CPNE2: variants seen among roughly 807,000 people sequenced by gnomAD.
CPNE2 encodes the protein copine-2.
CPNE2 carries 42 observed loss-of-function variants against 69.7 expected under a neutral mutation model. The observed-to-expected ratio is 0.60, with a 90% CI of 0.47 to 0.78. CPNE2 has a LOEUF of 0.78. CPNE2 is among the 30% of genes least tolerant of loss of function. The probability of loss-of-function intolerance (pLI) is 0.00; values close to 1 mark genes in which losing one functional copy is unlikely to be tolerated. For synonymous variants in CPNE2, 294 were observed against 289.8 expected, an observed-to-expected ratio of 1.01 and a Z score of -0.15; for missense variants, 587 against 732.0, an observed-to-expected ratio of 0.80 and a Z score of 2.29.
rs1181904522 is a variant in CPNE2, at chr16:57,113,270, T to C, written c.181-18T>C. 6.2e-7 allele frequency: 1 copy of C among 1,610,222 alleles called. No homozygotes were observed. Among genetic ancestry groups the C allele is most frequent in the East Asian group, 2.2e-5 (1 of 44,820 alleles). On this transcript the variant is annotated intron_variant, in intron 2 of 15. Coordinates refer to ENST00000290776, the MANE Select transcript of CPNE2 (RefSeq NM_152727.6). ...AGCTGCCTTGACTCTGACTTCCATT[T>C]TCCTGCCCCTCTGCTAGTACGACAG... is the stretch of plus-strand genomic sequence containing the variant.
intron 9 of CPNE2, 68 bp downstream of exon 9, chr16:57,121,828 C>T: frequency 6.9e-7 from 1 of 1,450,940 alleles, no homozygotes; most frequent in South Asian, 1.1e-5. Flanking sequence ...ACAGACAGAG[C>T]ACTGGATCTG....
intron 1 of CPNE2, among the ~76,000 whole-genome samples, chr16:57,098,786 G>A (rs540291255): frequency 2.6e-5 from 4 of 152,256 alleles, no homozygotes; most frequent in Admixed American, 2.0e-4. Flanking sequence ...TGGGAGCAAC[G>A]AAATGGAAAC....
At chr16:57,128,127 G>C (rs564522606) in intron 12 of CPNE2, among the ~76,000 whole-genome samples, 1 of 152,140 alleles carries the variant, frequency 6.6e-6, no homozygotes, top group Non-Finnish European at 1.5e-5. Context: ...CATGTGGAGT[G>C]GGGGAGACAG....
chr16:57,146,499 G>A lies in CPNE2; in HGVS notation c.1539+178G>A, dbSNP rs1407377710. 3.3e-6 allele frequency: 2 copies of A among 612,838 alleles called. No homozygotes were observed. The highest frequency in any genetic ancestry group is 5.7e-6 in the Non-Finnish European group (2 of 349,864). The allele number at this position is 612,838 out of a possible 1,614,324, so 38.0% of individuals were successfully genotyped here. On this transcript the variant is annotated intron_variant, in intron 15 of 15. Transcript: ENST00000290776. This position sits in a 1 kb window ranked among gnomAD's most constrained non-coding sequence, Gnocchi z 4.4. ...CGCCGTGCCAGGCCTTGCCCCGGTGGTGGCCATTGTGATAGTGTGAGCACT... is the reference window on the plus strand; with the variant it reads ...CGCCGTGCCAGGCCTTGCCCCGGTGATGGCCATTGTGATAGTGTGAGCACT...
chr16:57,131,148 T>G (rs4784774), intron 12 of CPNE2, among the ~76,000 whole-genome samples: 1 of 152,090 alleles, frequency 6.6e-6, no homozygotes, highest in African/African-American at 2.4e-5. Flanking sequence ...AACTGGGCAG[T>G]TGGACTCTAA....
intron 11 of CPNE2, among the ~76,000 whole-genome samples, chr16:57,126,795 G>A (rs2069804335): frequency 6.6e-6 from 1 of 152,214 alleles, no homozygotes; most frequent in Admixed American, 6.5e-5. Flanking sequence ...GTCATCATCA[G>A]CATGGTTGGG....
intron 14 of CPNE2, among the ~76,000 whole-genome samples, chr16:57,139,046 A>G (rs1469244733): frequency 1.3e-5 from 2 of 152,242 alleles, no homozygotes; most frequent in African/African-American, 4.8e-5. Flanking sequence ...CAATGGAGAA[A>G]GAGTAATTCA....
intron 10 of CPNE2, chr16:57,124,189 C>T (rs1487560727): frequency 2.2e-5 from 7 of 314,394 alleles, no homozygotes; most frequent in African/African-American, 1.3e-4. Flanking sequence ...TCAGTTGATC[C>T]TCCCACCTCA....
chr16:57,096,929 C>T (rs1180589053), intron 1 of CPNE2, among the ~76,000 whole-genome samples: 1 of 152,024 alleles, frequency 6.6e-6, no homozygotes, highest in African/African-American at 2.4e-5. Flanking sequence ...GTCCACACCA[C>T]AGGGCCTTTA....
At chr16:57,102,274 G>A (rs17371550) in intron 1 of CPNE2, among the ~76,000 whole-genome samples, 13,188 of 152,166 alleles carry the variant, frequency 0.087, 705 homozygotes, top group Non-Finnish European at 0.12. Context: ...AGCAGGCTCC[G>A]GGGAGATGCG....
At chr16:57,143,601 A>G (rs2069937623) in intron 14 of CPNE2, 1 of 152,458 alleles carries the variant, frequency 6.6e-6, no homozygotes, top group African/African-American at 2.4e-5. Flanking sequence ...AACAAGTTAC[A>G]TCACCTCTCT....
At chr16:57,144,599 G>A (rs1367476533) in intron 14 of CPNE2, 1 of 152,276 alleles carries the variant, frequency 6.6e-6, no homozygotes, top group Non-Finnish European at 1.5e-5. Flanking sequence ...ACGGATGGGG[G>A]AAACTGAGCT....
chr16:57,142,512 T>C (rs1334838993), intron 14 of CPNE2: 1 of 152,336 alleles, frequency 6.6e-6, no homozygotes, highest in Non-Finnish European at 1.5e-5. Context: ...TCGGAAGCCA[T>C]TGAGGAACCT....
chr16:57,115,805 C>A (rs2069714881), intron 4 of CPNE2, among the ~76,000 whole-genome samples: 1 of 152,250 alleles, frequency 6.6e-6, no homozygotes, highest in Non-Finnish European at 1.5e-5. Context: ...CTGCCCTCCC[C>A]TGGGGGTCGT....
At chr16:57,115,242 C>A (rs532144590) in intron 3 of CPNE2, among the ~76,000 whole-genome samples, 9 of 152,296 alleles carry the variant, frequency 5.9e-5, no homozygotes, top group Non-Finnish European at 1.2e-4. Flanking sequence ...GGGAGTCCAA[C>A]TGCAGCGGGA....
In CPNE2 at chr16:57,142,054, C is replaced by T. The variant is rs1320062657; in HGVS notation, c.1303-4031C>T. 2.0e-5 allele frequency: 3 copies of T among 152,446 alleles called. No individual in the cohort carries two copies. In the East Asian group the frequency reaches 5.8e-4, roughly 29 times the overall value. 9.4% of individuals were successfully genotyped at this position (152,446 alleles called of 1,614,324 possible). On this transcript the variant is annotated intron_variant, in intron 14 of 15. Coordinates refer to ENST00000290776, the MANE Select transcript of CPNE2 (RefSeq NM_152727.6). ...TTGAGAGCAGGTGGTGGAAGCCTCT[C>T]TCTAGGCAGGGCTGCACTCTCCCAT...
At chr16:57,126,851 GTCTAATGGGCATTA>G (rs1387130139) in intron 11 of CPNE2, among the ~76,000 whole-genome samples, 1 of 152,198 alleles carries the variant, frequency 6.6e-6, no homozygotes, top group Non-Finnish European at 1.5e-5. Flanking sequence ...TCACCGAGCT[GTCTAATGGGCATTA>G]AGACTTAGCA....
intron 14 of CPNE2, chr16:57,141,421 G>C (rs1000713984): frequency 1.3e-5 from 2 of 152,336 alleles, no homozygotes; most frequent in South Asian, 2.1e-4. Context: ...TGCTGGAAAA[G>C]CTCTGTCACC....
intron 9 of CPNE2, among the ~76,000 whole-genome samples, chr16:57,123,125 C>T (rs2069774888): frequency 1.3e-5 from 2 of 152,126 alleles, no homozygotes; most frequent in African/African-American, 2.4e-5. Context: ...CAAATTGAGA[C>T]ACTCTGTGTC....
Sources: gnomAD v4.1 joint callset for allele counts (sites outside exome capture counted in the v4.1 genomes callset) on GRCh38, gnomAD v4.1.1 for gene constraint, Gnocchi (gnomAD v3.1) non-coding constraint, MANE v1.5 for transcripts, NCBI Gene and HGNC (gene_info 2026-07-23, HGNC 2026-07-21) for gene names.